Variants in PCDH11X observed in about 807,000 individuals in gnomAD.
PCDH11X encodes protocadherin-11 X-linked.
A neutral mutation model predicts 53.3 loss-of-function variants in PCDH11X; 18 were observed. The observed-to-expected ratio is 0.34, with a 90% CI of 0.23 to 0.50. The LOEUF is 0.50. PCDH11X is among the 20% of genes least tolerant of loss of function. The probability of loss-of-function intolerance (pLI) is 0.98; values close to 1 mark genes in which losing one functional copy is unlikely to be tolerated. For missense variants in PCDH11X, 570 were observed against 1,032.4 expected (o/e 0.55, Z 6.14); for synonymous variants, 279 against 393.3 (o/e 0.71, Z 3.44).
intron 6 of PCDH11X, among the ~76,000 whole-genome samples, chrX:92,044,346 T>C (rs967997753): frequency 3.7e-5 from 4 of 108,740 alleles, no homozygotes; most frequent in African/African-American, 1.3e-4. Context: ...CCTTATAGAA[T>C]AGTCTTGCCC....
intron 9 of PCDH11X, among the ~76,000 whole-genome samples, chrX:92,423,311 T>G (rs1366214536): frequency 1.0e-4 from 10 of 97,778 alleles, no homozygotes; most frequent in African/African-American, 3.0e-4. Flanking sequence ...CTTAGCCCAC[T>G]TTTTGATAGG....
intron 6 of PCDH11X, among the ~76,000 whole-genome samples, chrX:92,092,993 G>C (rs185096843): frequency 2.6e-4 from 29 of 111,245 alleles, no homozygotes; most frequent in African/African-American, 8.8e-4. Flanking sequence ...TTGTTTGAAA[G>C]TGTGTGGCAC....
intron 10 of PCDH11X, among the ~76,000 whole-genome samples, chrX:92,568,688 C>T (rs1198903008): frequency 9.1e-6 from 1 of 109,770 alleles, no homozygotes; most frequent in East Asian, 2.8e-4. Flanking sequence ...TATTCACTGC[C>T]AGCATCACTT....
At chrX:91,827,334 C>G (rs1936958127) in intron 4 of PCDH11X, among the ~76,000 whole-genome samples, 2 of 110,801 alleles carry the variant, frequency 1.8e-5, no homozygotes. Context: ...AACTTAAGTT[C>G]CTTATAAATG....
chrX:91,798,524 G>A (rs1935820942), intron 1 of PCDH11X, among the ~76,000 whole-genome samples: 1 of 109,511 alleles, frequency 9.1e-6, no homozygotes, highest in African/African-American at 3.3e-5. Flanking sequence ...GGGAGGCAGA[G>A]GTTGCAGTGA....
intron 6 of PCDH11X, among the ~76,000 whole-genome samples, chrX:92,018,557 A>G (rs779701650): frequency 1.8e-5 from 2 of 112,317 alleles, no homozygotes; most frequent in East Asian, 5.6e-4. Flanking sequence ...GCCTCTCAGG[A>G]CAGCTATCTG....
At chrX:92,246,195 G>A (rs1454133689) in intron 7 of PCDH11X, among the ~76,000 whole-genome samples, 1 of 111,625 alleles carries the variant, frequency 9.0e-6, no homozygotes, top group Non-Finnish European at 1.9e-5. Flanking sequence ...AATTATTCAT[G>A]CATATTTCCC....
chrX:92,467,408 T>G (rs2073176965), intron 9 of PCDH11X, among the ~76,000 whole-genome samples: 1 of 111,172 alleles, frequency 9.0e-6, no homozygotes, highest in Non-Finnish European at 1.9e-5. Context: ...AATGTTTATC[T>G]TTAAGCTTTT....
In PCDH11X at chrX:91,875,722, T is replaced by TA. The variant is rs1236840027; in HGVS notation, c.541-1049dup. ...ATTTTAGTTCATTGTGCTTGCATGTTAAAAAAAAAACAGTAAGAAAATAAC... is the reference window on the plus strand; with the variant it reads ...ATTTTAGTTCATTGTGCTTGCATGTTAAAAAAAAAAACAGTAAGAAAATAAC... On this transcript the variant is annotated intron_variant, in intron 5 of 10. Coordinates refer to ENST00000682573, the MANE Select transcript of PCDH11X (RefSeq NM_032968.5). Among the ~76,000 whole-genome samples, 691 of 106,491 alleles carry TA rather than the reference T, an allele frequency of 6.5e-3. 5 individuals carry two copies. Among genetic ancestry groups the TA allele is most frequent in the African/African-American group, 0.02 (604 of 29,471 alleles). 92.5% of individuals were successfully genotyped at this position (106,491 alleles called of 115,157 possible). A position where few individuals can be genotyped will look rare whatever the true frequency, so the allele number is the denominator to read the frequency against.
At chrX:92,150,903 T>A (rs1208344179) in intron 6 of PCDH11X, among the ~76,000 whole-genome samples, 1 of 110,758 alleles carries the variant, frequency 9.0e-6, no homozygotes, top group Non-Finnish European at 1.9e-5. Flanking sequence ...ATTTATTAAT[T>A]ATTGTAATTG....
At position 91,949,856 on chromosome X, in the gene PCDH11X, G is replaced by C. The variant is rs769305571; in HGVS notation, c.3033+70583G>C. 3.7e-5 allele frequency among the ~76,000 whole-genome samples: 4 copies of C among 107,496 alleles called. No homozygotes were observed. The South Asian group carries it at 1.7e-3, about 45-fold the overall frequency. 93.3% of individuals were successfully genotyped at this position (107,496 alleles called of 115,157 possible). On this transcript the variant is annotated intron_variant, in intron 6 of 10. Transcript: ENST00000682573. ...AAGAACTATCACAGTTGCTTAAAAAGCTGGCTGGGATTTTCCTAAGCAGAC... is the reference window on the plus strand; with the variant it reads ...AAGAACTATCACAGTTGCTTAAAAACCTGGCTGGGATTTTCCTAAGCAGAC...
chrX:92,541,489 A>G (rs1305022287), intron 10 of PCDH11X, among the ~76,000 whole-genome samples: 3 of 111,175 alleles, frequency 2.7e-5, no homozygotes, highest in African/African-American at 9.8e-5. Context: ...TTTCAGTGAT[A>G]TGAATTTAAA....
chrX:92,185,607 T>C (rs959424226), intron 6 of PCDH11X, among the ~76,000 whole-genome samples: 5 of 111,102 alleles, frequency 4.5e-5, no homozygotes, highest in African/African-American at 1.6e-4. Context: ...TGCAAAGTAT[T>C]CGCCAACAAG....
At chrX:92,481,030 C>T (rs1159082676) in intron 10 of PCDH11X, among the ~76,000 whole-genome samples, 1 of 110,604 alleles carries the variant, frequency 9.0e-6, no homozygotes, top group East Asian at 2.9e-4. Flanking sequence ...AAGGGCTGGA[C>T]GCTGTCAGGT....
intron 5 of PCDH11X, among the ~76,000 whole-genome samples, chrX:91,849,332 T>C (rs1182894639): frequency 2.7e-5 from 3 of 110,403 alleles, no homozygotes; most frequent in Non-Finnish European, 5.7e-5. Flanking sequence ...GTTTGTTATA[T>C]AGGTAAACTC....
chrX:92,317,296 G>T (rs1325392451), intron 8 of PCDH11X, among the ~76,000 whole-genome samples: 1 of 108,585 alleles, frequency 9.2e-6, no homozygotes, highest in African/African-American at 3.4e-5. Flanking sequence ...TATAATATGT[G>T]TTTCCACATT....
At chrX:92,415,828 T>C (rs2071796917) in intron 9 of PCDH11X, among the ~76,000 whole-genome samples, 2 of 111,855 alleles carry the variant, frequency 1.8e-5, no homozygotes, top group Admixed American at 9.5e-5. Context: ...CCAGGTGAAC[T>C]GGCACAAGTT....
intron 8 of PCDH11X, among the ~76,000 whole-genome samples, chrX:92,271,149 T>C (rs1324225175): frequency 5.3e-5 from 6 of 112,298 alleles, no homozygotes; most frequent in Non-Finnish European, 5.6e-5. Flanking sequence ...TCTCCAGTAA[T>C]TCAGTTCTCT....
chrX:92,586,540 A>G (rs1924401285), intron 10 of PCDH11X, among the ~76,000 whole-genome samples: 1 of 104,117 alleles, frequency 9.6e-6, no homozygotes, highest in African/African-American at 3.5e-5. Context: ...GCAACATTTA[A>G]TGATACTTTC....
Sources: gnomAD v4.1 joint callset for allele counts (sites outside exome capture counted in the v4.1 genomes callset) on GRCh38, gnomAD v4.1.1 for gene constraint, MANE v1.5 for transcripts, NCBI Gene and HGNC (gene_info 2026-07-23, HGNC 2026-07-21) for gene names.